The following HMBOX1 variants were observed in gnomAD, a reference collection of about 807,000 sequenced individuals.
HMBOX1 encodes homeobox-containing protein 1.
HMBOX1 carries 14 observed loss-of-function variants against 54.5 expected under a neutral mutation model. The observed-to-expected ratio is 0.26, with a 90% CI of 0.17 to 0.40. The LOEUF is 0.40. Ranked by LOEUF, HMBOX1 falls within the 10% of genes least tolerant of loss-of-function variation. HMBOX1 has a pLI of 1.00. For synonymous variants in HMBOX1, 160 were observed against 181.0 expected (o/e 0.88, Z 0.93); for missense variants, 332 against 514.4 (o/e 0.65, Z 3.43).
At chr8:28,907,894 G>A (rs1814647560) in intron 1 of HMBOX1, among the ~76,000 whole-genome samples, 1 of 149,524 alleles carries the variant, frequency 6.7e-6, no homozygotes, top group African/African-American at 2.5e-5. Context: ...TGTCCAGTCT[G>A]GAGTCCAGTG....
intron 2 of HMBOX1, among the ~76,000 whole-genome samples, chr8:28,968,436 G>A (rs1342904526): frequency 6.6e-6 from 1 of 152,168 alleles, no homozygotes; most frequent in Non-Finnish European, 1.5e-5. Context: ...TAAGATCTAG[G>A]CTTAAATCTT....
intron 1 of HMBOX1, among the ~76,000 whole-genome samples, chr8:28,942,979 T>G (rs1053076131): frequency 2.0e-5 from 3 of 152,246 alleles, no homozygotes; most frequent in African/African-American, 7.2e-5. Flanking sequence ...GGCTTTTGTT[T>G]TGTCTCTGAT....
chr8:28,993,173 A>G (rs889011279), intron 4 of HMBOX1, among the ~76,000 whole-genome samples: 1 of 152,114 alleles, frequency 6.6e-6, no homozygotes, highest in Non-Finnish European at 1.5e-5. Context: ...GCAGTTAAGT[A>G]ACTATTTTAA....
chr8:28,981,092 A>G (rs575393120), intron 4 of HMBOX1, among the ~76,000 whole-genome samples: 161 of 152,278 alleles, frequency 1.1e-3, no homozygotes, highest in Middle Eastern at 3.4e-3. Flanking sequence ...CCAGACCATG[A>G]TACATACTGA....
intron 1 of HMBOX1, among the ~76,000 whole-genome samples, chr8:28,912,220 GA>G (rs1203655994): frequency 6.6e-6 from 1 of 152,160 alleles, no homozygotes; most frequent in Non-Finnish European, 1.5e-5. Context: ...GGTTTATCAG[GA>G]TGTGACCTTA....
At position 28,890,525 on chromosome 8, in the gene HMBOX1, G is replaced by T. The variant is rs1473708381; in HGVS notation, c.-211G>T. 1.3e-5 allele frequency: 2 copies of T among 152,854 alleles called. No homozygotes were observed. Among genetic ancestry groups the T allele is most frequent in the Non-Finnish European group, 2.9e-5 (2 of 68,318 alleles). The allele number at this position is 152,854 out of a possible 1,614,324, so 9.5% of individuals were successfully genotyped here. ...TCCCCCTTCTCCTCTTCCTGCGCCG[G>T]CCTCAACCCCTCCCCAGTCCCCTCC... On this transcript the variant is annotated 5_prime_UTR_variant, in exon 1 of 10. Coordinates refer to ENST00000287701, the MANE Select transcript of HMBOX1 (RefSeq NM_001135726.3).
In HMBOX1 at chr8:29,022,533, A is replaced by G. The variant is rs575388498; in HGVS notation, c.851+3620A>G. ...ACCTAAATGTCTATTTGTAGTAACT[A>G]TGTCAATAAATTATAGCACATCCAT... On this transcript the variant is annotated intron_variant, in intron 6 of 9. Transcript: ENST00000287701. Among the ~76,000 whole-genome samples, 454 of 152,314 alleles carry G rather than the reference A, an allele frequency of 3.0e-3. 3 individuals carry two copies. Among genetic ancestry groups the G allele is most frequent in the Middle Eastern group, 0.014 (4 of 294 alleles).
intron 4 of HMBOX1, among the ~76,000 whole-genome samples, 166 bp downstream of exon 4, chr8:28,980,322 C>T (rs17059592): frequency 0.02 from 3,026 of 152,284 alleles, 92 homozygotes; most frequent in African/African-American, 0.068. Flanking sequence ...TATCGCCGAA[C>T]TTCTCTAGTG....
rs1586639365 is a variant in HMBOX1 at position 29,037,119 on chromosome 8, C to T, written c.852-8242C>T. Among the ~76,000 whole-genome samples, 3 of 152,268 alleles carry T rather than the reference C, an allele frequency of 2.0e-5. No individual in the cohort carries two copies. The East Asian group carries it at 5.8e-4, about 29-fold the overall frequency. On this transcript the variant is annotated intron_variant, in intron 6 of 9. Coordinates refer to ENST00000287701, the MANE Select transcript of HMBOX1 (RefSeq NM_001135726.3). ...GCAAAGTCATGAAAACTTACAGAAACTCATGTATATTTTAGCTTGTGCTCA... is the reference window on the plus strand; with the variant it reads ...GCAAAGTCATGAAAACTTACAGAAATTCATGTATATTTTAGCTTGTGCTCA...
chr8:28,980,939 CT>C (rs1220948230), intron 4 of HMBOX1, among the ~76,000 whole-genome samples: 4 of 152,156 alleles, frequency 2.6e-5, no homozygotes, highest in Admixed American at 2.6e-4. Context: ...TAATTCTCCC[CT>C]CCTTTTGTTA....
At chr8:28,929,641 T>C (rs986878778) in intron 1 of HMBOX1, among the ~76,000 whole-genome samples, 3 of 152,218 alleles carry the variant, frequency 2.0e-5, no homozygotes, top group African/African-American at 7.2e-5. Flanking sequence ...ATTGTATTTG[T>C]TTGGGATAGA....
rs369988734 is a variant in HMBOX1, at chr8:29,049,231, T to G, written c.1125+183T>G. The G allele has an allele frequency of 1.5e-5, 22 of 1,515,276 alleles. No individual in the cohort carries two copies. In the Middle Eastern group the frequency reaches 6.8e-4, roughly 47 times the overall value. The allele number at this position is 1,515,276 out of a possible 1,614,324, so 93.9% of individuals were successfully genotyped here. ...AAAGGAATGTGGTAAGATTCAGTTGTCCTGTTGAATTTGTGAGAGATCGTT... is the reference window on the plus strand; with the variant it reads ...AAAGGAATGTGGTAAGATTCAGTTGGCCTGTTGAATTTGTGAGAGATCGTT... On this transcript the variant is annotated intron_variant, in intron 9 of 9. Transcript: ENST00000287701.
chr8:28,903,205 T>C (rs1046263161), intron 1 of HMBOX1, among the ~76,000 whole-genome samples: 18 of 152,128 alleles, frequency 1.2e-4, no homozygotes, highest in Non-Finnish European at 7.3e-5. Context: ...AAAAGCATAA[T>C]ATAGTTTTAG....
chr8:29,009,870 A>G, intron 5 of HMBOX1: 2 of 1,152,632 alleles, frequency 1.7e-6, no homozygotes, highest in Non-Finnish European at 2.2e-6. Context: ...CTCAATCTAT[A>G]CTTTACACAG....
At chr8:28,910,626 T>TG (rs1208732793) in intron 1 of HMBOX1, among the ~76,000 whole-genome samples, 2 of 152,220 alleles carry the variant, frequency 1.3e-5, no homozygotes, top group Non-Finnish European at 2.9e-5. Flanking sequence ...TAACTAATGA[T>TG]GTTGAGCATG....
chr8:29,032,912 A>G (rs1157852615), intron 6 of HMBOX1, among the ~76,000 whole-genome samples: 1 of 151,132 alleles, frequency 6.6e-6, no homozygotes, highest in African/African-American at 2.4e-5. Flanking sequence ...ATTCAAATCA[A>G]TTCGATGATT....
rs536290241 is a variant in HMBOX1, at chr8:28,919,514, C to T, written c.-58+28836C>T. Among the ~76,000 whole-genome samples the T allele has an allele frequency of 2.0e-5, 3 of 152,214 alleles. No individual in the cohort carries two copies. In the East Asian group the frequency reaches 5.8e-4, roughly 29 times the overall value. On this transcript the variant is annotated intron_variant, in intron 1 of 9. Coordinates refer to ENST00000287701, the MANE Select transcript of HMBOX1 (RefSeq NM_001135726.3). Reference sequence around the variant, plus strand: ...CTTAATCTCAGTATTTATTGCGTTACAGATAGCACAATGCTGTATTTTCAA... The same window carrying T: ...CTTAATCTCAGTATTTATTGCGTTATAGATAGCACAATGCTGTATTTTCAA...
chr8:28,971,836 C>T (rs535602889), intron 3 of HMBOX1, among the ~76,000 whole-genome samples: 1 of 152,026 alleles, frequency 6.6e-6, no homozygotes, highest in Admixed American at 6.6e-5. Flanking sequence ...TAGATTTCCA[C>T]TACAGTAGAA....
At chr8:28,994,505 G>A (rs1831497279) in intron 4 of HMBOX1, among the ~76,000 whole-genome samples, 1 of 152,186 alleles carries the variant, frequency 6.6e-6, no homozygotes, top group African/African-American at 2.4e-5. Context: ...TTTTAAAGCT[G>A]GAGAAAAGAT....
Sources: allele counts gnomAD v4.1 joint callset (sites outside exome capture counted in the v4.1 genomes callset), GRCh38; gene constraint gnomAD v4.1.1; transcripts MANE v1.5; gene names NCBI Gene and HGNC (gene_info 2026-07-23, HGNC 2026-07-21).